MAML2: variants seen among roughly 807,000 people sequenced by gnomAD.
MAML2 encodes the protein mastermind like transcriptional coactivator 2.
Under a neutral mutation model 96.1 loss-of-function variants are expected in MAML2, and 22 were observed. The ratio of observed to expected loss-of-function variants is 0.23; its 90% CI spans 0.16 to 0.33. The LOEUF is 0.33. Ranked by LOEUF, MAML2 falls within the 10% of genes least tolerant of loss-of-function variation. The probability of loss-of-function intolerance (pLI) is 1.00; values close to 1 mark genes in which losing one functional copy is unlikely to be tolerated. For synonymous variants in MAML2, 561 were observed against 521.3 expected, an observed-to-expected ratio of 1.08 and a Z score of -1.04; for missense variants, 1,367 against 1,392.4, an observed-to-expected ratio of 0.98 and a Z score of 0.29.
chr11:96,341,641 C>T lies in MAML2; in HGVS notation c.255G>A (p.Gly85=), dbSNP rs1156665980. The change falls in exon 1 of 5, where the codon GGG becomes GGA. Residue 85 remains glycine, a synonymous_variant. Transcript: ENST00000524717. ...QLLSLVQHGQ[G]ARKAGKHTKA... ...TGGTGTGTTTGCCAGCTTTCCTTGC[C>T]CCCTGGCCATGCTGTACAAGGCTCA... 4.5e-6 allele frequency: 7 copies of T among 1,558,414 alleles called. No individual in the cohort carries two copies. Among genetic ancestry groups the T allele is most frequent in the South Asian group, 1.2e-5 (1 of 84,724 alleles).
chr11:96,247,461 T>C (rs1236117753), intron 1 of MAML2, among the ~76,000 whole-genome samples: 1 of 152,118 alleles, frequency 6.6e-6, no homozygotes, highest in Admixed American at 6.6e-5. Flanking sequence ...TCAAACTTCC[T>C]ATGGGAAAAA....
Position 96,023,461 on chromosome 11 carries a change from C to T in MAML2, c.2140-31738G>A, listed in dbSNP as rs894725346. On this transcript the variant is annotated intron_variant, in intron 2 of 4. Coordinates refer to ENST00000524717, the MANE Select transcript of MAML2 (RefSeq NM_032427.4). ...ACATGTCAAAGCTTTACAGACTGCC[C>T]GGTAGCCAGGCAGGAGCAGCTGGCA... Among the ~76,000 whole-genome samples, 7 of 152,292 alleles carry T rather than the reference C, an allele frequency of 4.6e-5. No homozygotes were observed. In the East Asian group the frequency reaches 5.8e-4, roughly 13 times the overall value.
intron 2 of MAML2, among the ~76,000 whole-genome samples, chr11:96,078,676 G>A (rs1434806024): frequency 6.6e-6 from 1 of 152,238 alleles, no homozygotes; most frequent in African/African-American, 2.4e-5. Context: ...AACTTCCCTT[G>A]ATTAATGAGA....
intron 2 of MAML2, among the ~76,000 whole-genome samples, chr11:96,052,702 C>T (rs971211775): frequency 5.3e-5 from 8 of 152,184 alleles, no homozygotes; most frequent in Non-Finnish European, 8.8e-5. Flanking sequence ...GACCAATTTT[C>T]CATTTTGTGA....
chr11:96,034,251 A>G (rs1334750766), intron 2 of MAML2, among the ~76,000 whole-genome samples: 2 of 152,372 alleles, frequency 1.3e-5, no homozygotes, highest in East Asian at 3.9e-4. Flanking sequence ...ATATAATAAC[A>G]TAATGATCAC....
chr11:95,994,607 C>CAGGGA (rs1157933106), intron 2 of MAML2, among the ~76,000 whole-genome samples: 1 of 152,038 alleles, frequency 6.6e-6, no homozygotes, highest in African/African-American at 2.4e-5. Context: ...AGCGTAAAGA[C>CAGGGA]AGCTGGAAGT....
At chr11:96,001,576 G>T (rs911028815) in intron 2 of MAML2, among the ~76,000 whole-genome samples, 1 of 152,074 alleles carries the variant, frequency 6.6e-6, no homozygotes, top group Non-Finnish European at 1.5e-5. Context: ...ATTTCAGGGA[G>T]TTTACAAACT....
intron 1 of MAML2, among the ~76,000 whole-genome samples, chr11:96,155,809 TG>T (rs1483023262): frequency 1.3e-5 from 2 of 151,988 alleles, no homozygotes; most frequent in African/African-American, 4.8e-5. Flanking sequence ...GCTATGCTGC[TG>T]GGCAAAATGA....
chr11:96,223,468 A>C (rs1862169652), intron 1 of MAML2, among the ~76,000 whole-genome samples: 1 of 152,230 alleles, frequency 6.6e-6, no homozygotes, highest in Non-Finnish European at 1.5e-5. Context: ...ATATTTAGAC[A>C]CATAGTATGT....
Position 96,138,231 on chromosome 11 carries a change from C to T in MAML2, c.514-44714G>A, listed in dbSNP as rs147208272. 3.1e-3 allele frequency among the ~76,000 whole-genome samples: 471 copies of T among 152,234 alleles called. 4 individuals are homozygous for T. The highest frequency in any genetic ancestry group is 0.011 in the African/African-American group (442 of 41,534). On this transcript the variant is annotated intron_variant, in intron 1 of 4. Coordinates refer to ENST00000524717, the MANE Select transcript of MAML2 (RefSeq NM_032427.4). The stretch of plus-strand genomic sequence containing the variant: ...AATGAAGAAAAATATACTTTCCTGT[C>T]GTCCATGCTGATACCTGTGTTTGTT...
At chr11:96,070,123 C>T (rs951312015) in intron 2 of MAML2, among the ~76,000 whole-genome samples, 2 of 151,880 alleles carry the variant, frequency 1.3e-5, no homozygotes, top group African/African-American at 4.8e-5. Flanking sequence ...AACCCCGTCT[C>T]TACTAAAAAT....
intron 1 of MAML2, among the ~76,000 whole-genome samples, chr11:96,222,306 G>A (rs1253063341): frequency 3.3e-5 from 5 of 152,142 alleles, no homozygotes; most frequent in Admixed American, 1.3e-4. Context: ...GGAATGTGGC[G>A]CTCAGCACTG....
chr11:96,087,331 G>A lies in MAML2; in HGVS notation c.2139+4561C>T, dbSNP rs555931245. 5.9e-5 allele frequency among the ~76,000 whole-genome samples: 9 copies of A among 152,204 alleles called. No homozygotes were observed. The South Asian group carries it at 8.3e-4, about 14-fold the overall frequency. Reference sequence around the variant, plus strand: ...CATTCTAGTCAAGCACTAGTTTCACGGAGTATTAAAGACAAATTTTTCTTT... The same window carrying A: ...CATTCTAGTCAAGCACTAGTTTCACAGAGTATTAAAGACAAATTTTTCTTT... On this transcript the variant is annotated intron_variant, in intron 2 of 4. Transcript: ENST00000524717.
chr11:96,294,714 T>G (rs1863265835), intron 1 of MAML2, among the ~76,000 whole-genome samples: 1 of 152,224 alleles, frequency 6.6e-6, no homozygotes, highest in East Asian at 1.9e-4. Flanking sequence ...TATTGAACAC[T>G]TATGCTAGGG....
chr11:96,305,488 C>G (rs543487738), intron 1 of MAML2, among the ~76,000 whole-genome samples: 46 of 152,212 alleles, frequency 3.0e-4, no homozygotes, highest in Non-Finnish European at 6.0e-4. Flanking sequence ...ATTTTCCACT[C>G]AATTTTCTTG....
chr11:96,268,280 G>A (rs1862859744), intron 1 of MAML2, among the ~76,000 whole-genome samples: 1 of 152,114 alleles, frequency 6.6e-6, no homozygotes, highest in African/African-American at 2.4e-5. Context: ...TTCGAGAGCA[G>A]CCTGGGCAAC....
At chr11:96,022,906 C>A (rs140426653) in intron 2 of MAML2, among the ~76,000 whole-genome samples, 1 of 152,128 alleles carries the variant, frequency 6.6e-6, no homozygotes, top group Non-Finnish European at 1.5e-5. Context: ...GTAGACATGA[C>A]GCTTAACCTC....
chr11:96,343,041 C>T lies in MAML2; in HGVS notation c.-1146G>A, dbSNP rs1299408868. The T allele has an allele frequency of 1.8e-5, 7 of 396,506 alleles. No homozygotes were observed. The highest frequency in any genetic ancestry group is 1.3e-4 in the South Asian group (1 of 7,570). 24.6% of individuals were successfully genotyped at this position (396,506 alleles called of 1,614,324 possible). A position where few individuals can be genotyped will look rare whatever the true frequency, so the allele number is the denominator to read the frequency against. ...CTGGTTCTATCTCCTGTATTTGCTC[C>T]GCTTTATAGATGGAAAAAAAAAGTA... On this transcript the variant is annotated 5_prime_UTR_variant, in exon 1 of 5. Transcript: ENST00000524717.
intron 1 of MAML2, among the ~76,000 whole-genome samples, chr11:96,158,762 C>T (rs1010152267): frequency 1.3e-5 from 2 of 152,278 alleles, no homozygotes; most frequent in African/African-American, 4.8e-5. Context: ...AAGTATTACC[C>T]AAATGCCTGG....
Sources: gnomAD v4.1 joint callset for allele counts (sites outside exome capture counted in the v4.1 genomes callset) on GRCh38, gnomAD v4.1.1 for gene constraint, MANE v1.5 for transcripts, NCBI Gene and HGNC (gene_info 2026-07-23, HGNC 2026-07-21) for gene names.